The following WTAP variants were observed in gnomAD, a reference collection of about 807,000 sequenced individuals.
WTAP encodes the protein pre-mRNA-splicing regulator WTAP.
Under a neutral mutation model 50.0 loss-of-function variants are expected in WTAP, and 8 were observed. The ratio of observed to expected loss-of-function variants is 0.16; its 90% CI spans 0.09 to 0.29. WTAP has a LOEUF of 0.29. Ranked by LOEUF, WTAP falls within the 10% of genes least tolerant of loss-of-function variation. WTAP has a pLI of 1.00. For missense variants in WTAP, 295 were observed against 470.7 expected (o/e 0.63, Z 3.45); for synonymous variants, 194 against 169.0 (o/e 1.15, Z -1.15).
chr6:159,730,421 G>T (rs1778495794), intron 1 of WTAP, among the ~76,000 whole-genome samples: 1 of 151,796 alleles, frequency 6.6e-6, no homozygotes, highest in Non-Finnish European at 1.5e-5. Context: ...TTAAATTTAG[G>T]TTATTGTGTT....
intron 7 of WTAP, 105 bp downstream of exon 7, chr6:159,753,719 C>G (rs1779901792): frequency 1.5e-6 from 2 of 1,365,524 alleles, no homozygotes; most frequent in Non-Finnish European, 2.0e-6. Context: ...TTGTTAACCT[C>G]TGCCCTATGA....
chr6:159,748,927 C>T lies in WTAP; in HGVS notation c.452+558C>T. ...GTTGTTGAACTTCTGGGTCAAAACT[C>T]AAATGAGGTGAATTTTGCCTTTAAA... On this transcript the variant is annotated intron_variant, in intron 6 of 7. Coordinates refer to ENST00000621533, the MANE Select transcript of WTAP (RefSeq NM_001270531.2). The surrounding 1 kb of genome is among the most constrained non-coding windows in gnomAD (Gnocchi z 5.6). 8.7e-7 allele frequency: 1 copy of T among 1,145,950 alleles called. No individual in the cohort carries two copies. Among genetic ancestry groups the T allele is most frequent in the Non-Finnish European group, 1.1e-6 (1 of 933,788 alleles). 71.0% of individuals were successfully genotyped at this position (1,145,950 alleles called of 1,614,324 possible). A position where few individuals can be genotyped will look rare whatever the true frequency, so the allele number is the denominator to read the frequency against.
At chr6:159,744,775 A>G (rs985698711) in intron 5 of WTAP, among the ~76,000 whole-genome samples, 3 of 152,138 alleles carry the variant, frequency 2.0e-5, no homozygotes, top group Middle Eastern at 3.4e-3. Context: ...GCTGGAGTGC[A>G]GTGGTGTAAT....
intron 5 of WTAP, among the ~76,000 whole-genome samples, chr6:159,744,512 T>A (rs1326808733): frequency 4.9e-5 from 6 of 123,198 alleles, no homozygotes; most frequent in African/African-American, 1.8e-4. Flanking sequence ...ACACCAAAAA[T>A]CTATGGGCAC....
chr6:159,726,926 T>C (rs1458184557), upstream of WTAP: 1 of 1,288,776 alleles, frequency 7.8e-7, no homozygotes, highest in East Asian at 5.6e-5. Context: ...CACCTGGTCC[T>C]CCGACACGCG....
At chr6:159,744,979 C>T (rs962558099) in intron 5 of WTAP, among the ~76,000 whole-genome samples, 1 of 152,198 alleles carries the variant, frequency 6.6e-6, no homozygotes, top group South Asian at 2.1e-4. Context: ...TCGCACCTGG[C>T]CCATTATCAT....
At position 159,750,348 on chromosome 6, in the gene WTAP, A is replaced by G. The variant is rs114072734; in HGVS notation, c.452+1979A>G. ...CACTTAGATAACAGTCATGAGTTCT[A>G]TGGTTTTTTTCTTGTCATTGTTAAA... On this transcript the variant is annotated intron_variant, in intron 6 of 7. Transcript: ENST00000621533. Among the ~76,000 whole-genome samples the G allele has an allele frequency of 6.0e-3, 920 of 152,256 alleles. 4 individuals carry two copies. The highest frequency in any genetic ancestry group is 9.0e-3 in the Non-Finnish European group (610 of 68,016).
upstream of WTAP, chr6:159,727,027 G>C (rs1160188507): frequency 2.4e-6 from 3 of 1,233,930 alleles, no homozygotes; most frequent in Non-Finnish European, 3.1e-6. Flanking sequence ...CCCCGCAGCC[G>C]CAGGTGGCCC....
Position 159,736,238 on chromosome 6 carries a change from T to G in WTAP, c.-8-20T>G. ...GGAAGAAAATAAATTGAACTTGTTT[T>G]CCGCAACTTTTTTTTTTAGGATTCA... On this transcript the variant is annotated intron_variant, in intron 1 of 7. Transcript: ENST00000621533. 6.3e-7 allele frequency: 1 copy of G among 1,590,236 alleles called. No individual in the cohort carries two copies. Among genetic ancestry groups the G allele is most frequent in the Non-Finnish European group, 8.6e-7 (1 of 1,168,840 alleles).
At chr6:159,728,760 T>A (rs553437385) in intron 1 of WTAP, among the ~76,000 whole-genome samples, 1 of 152,332 alleles carries the variant, frequency 6.6e-6, no homozygotes, top group Admixed American at 6.5e-5. Context: ...AAAGCTGGCT[T>A]GTGATAAGGT....
chr6:159,751,456 G>A (rs1345156305), intron 6 of WTAP, among the ~76,000 whole-genome samples: 1 of 152,180 alleles, frequency 6.6e-6, no homozygotes, highest in African/African-American at 2.4e-5. Flanking sequence ...CAGTAAAGTG[G>A]AAGGAATTCC....
rs1009342669 is a variant in WTAP at position 159,748,668 on chromosome 6, G to A, written c.452+299G>A. 5.6e-6 allele frequency: 7 copies of A among 1,249,404 alleles called. No homozygotes were observed. In the African/African-American group the frequency reaches 1.1e-4, roughly 19 times the overall value. The allele number at this position is 1,249,404 out of a possible 1,614,324, so 77.4% of individuals were successfully genotyped here. ...CCTTCTAGAACATGTAGACACTTGA[G>A]AAATGTTTCTGTTTGAAGAAAATAG... On this transcript the variant is annotated intron_variant, in intron 6 of 7. Transcript: ENST00000621533. This position sits in a 1 kb window ranked among gnomAD's most constrained non-coding sequence, Gnocchi z 5.6.
At chr6:159,729,276 A>G (rs1778419043) in intron 1 of WTAP, among the ~76,000 whole-genome samples, 1 of 152,228 alleles carries the variant, frequency 6.6e-6, no homozygotes, top group South Asian at 2.1e-4. Context: ...CAGCAAAAGA[A>G]GACTGAAGAT....
At chr6:159,754,188 G>GAAAATT (rs1779921526) in intron 7 of WTAP, among the ~76,000 whole-genome samples, 1 of 152,144 alleles carries the variant, frequency 6.6e-6, no homozygotes, top group African/African-American at 2.4e-5. Flanking sequence ...ATTTTAAATT[G>GAAAATT]AAAATTAGTG....
intron 6 of WTAP, among the ~76,000 whole-genome samples, chr6:159,752,297 C>T (rs1779848538): frequency 1.3e-5 from 2 of 152,176 alleles, no homozygotes; most frequent in Non-Finnish European, 2.9e-5. Context: ...TTATCCAAGT[C>T]TCAAAGGTAA....
chr6:159,749,104 T>A, intron 6 of WTAP: 1 of 986,682 alleles, frequency 1.0e-6, no homozygotes, highest in Middle Eastern at 5.2e-4. Context: ...AATGGTTTGT[T>A]CTTTGAATGG....
intron 1 of WTAP, among the ~76,000 whole-genome samples, chr6:159,732,484 A>G (rs965361907): frequency 7.2e-5 from 11 of 152,198 alleles, no homozygotes; most frequent in African/African-American, 1.7e-4. Context: ...ATACTGATAT[A>G]CCGGTTAAAT....
intron 6 of WTAP, among the ~76,000 whole-genome samples, chr6:159,750,285 T>C (rs910973429): frequency 2.6e-5 from 4 of 152,248 alleles, no homozygotes; most frequent in Admixed American, 2.6e-4. Context: ...AAATGTATTA[T>C]TAACATGTAC....
At chr6:159,741,823 AC>A (rs1011194744) in intron 3 of WTAP, 59 of 295,050 alleles carry the variant, frequency 2.0e-4, no homozygotes, top group African/African-American at 1.3e-3. Flanking sequence ...CCCCATCTCT[AC>A]AAAAAAATGA....
Sources: gnomAD v4.1 joint callset for allele counts (sites outside exome capture counted in the v4.1 genomes callset) on GRCh38, gnomAD v4.1.1 for gene constraint, Gnocchi (gnomAD v3.1) non-coding constraint, MANE v1.5 for transcripts, NCBI Gene and HGNC (gene_info 2026-07-23, HGNC 2026-07-21) for gene names.